Variants in CMTM4 observed in about 807,000 individuals in gnomAD.
CMTM4 encodes the protein CKLF-like MARVEL transmembrane domain-containing protein 4.
CMTM4 carries 8 observed loss-of-function variants against 19.0 expected under a neutral mutation model. The ratio of observed to expected loss-of-function variants is 0.42; its 90% CI spans 0.25 to 0.76. CMTM4 has a LOEUF of 0.76. CMTM4 is among the 30% of genes least tolerant of loss of function. CMTM4 has a pLI of 0.27. For synonymous variants in CMTM4, 106 were observed against 121.1 expected (o/e 0.88, Z 0.82); for missense variants, 228 against 290.2 (o/e 0.79, Z 1.56).
intron 1 of CMTM4, among the ~76,000 whole-genome samples, chr16:66,690,341 C>T (rs1050456610): frequency 2.6e-5 from 4 of 152,194 alleles, no homozygotes; most frequent in Non-Finnish European, 5.9e-5. Context: ...CCAGCTCTTA[C>T]GAATCAGGAA....
chr16:66,667,180 C>G (rs2016611281), intron 1 of CMTM4, among the ~76,000 whole-genome samples: 1 of 152,002 alleles, frequency 6.6e-6, no homozygotes, highest in Non-Finnish European at 1.5e-5. Flanking sequence ...CAAAAATTTG[C>G]TGGGTGTGGT....
downstream of CMTM4, chr16:66,612,674 G>A (rs780209474): frequency 1.2e-6 from 2 of 1,609,982 alleles, no homozygotes; most frequent in South Asian, 2.2e-5. This position sits in a 1 kb window ranked among gnomAD's most constrained non-coding sequence, Gnocchi z 6.0. Context: ...GAGCCACACA[G>A]GCCTCCACCC....
rs1045421357 is a variant in CMTM4, at chr16:66,615,792, G to A, written c.*6266C>T. The stretch of plus-strand genomic sequence containing the variant: ...CACCATTTTACACCCAAAGACAGGA[G>A]GTCAGGGCTCTGATGCTACTCTTCT... On this transcript the variant is annotated 3_prime_UTR_variant, in exon 4 of 4. Coordinates refer to ENST00000394106, the MANE Select transcript of CMTM4 (RefSeq NM_181521.3). The surrounding 1 kb of genome is among the most constrained non-coding windows in gnomAD (Gnocchi z 4.9). 3 of 152,232 alleles carry A rather than the reference G, an allele frequency of 2.0e-5. No individual in the cohort carries two copies. Among genetic ancestry groups the A allele is most frequent in the African/African-American group, 7.2e-5 (3 of 41,464 alleles). 9.4% of individuals were successfully genotyped at this position (152,232 alleles called of 1,614,324 possible).
chr16:66,678,570 C>T (rs1471833320), intron 1 of CMTM4, among the ~76,000 whole-genome samples: 1 of 152,168 alleles, frequency 6.6e-6, no homozygotes, highest in Admixed American at 6.5e-5. Context: ...TTAAACTGTA[C>T]ATAACTGACA....
At chr16:66,694,396 T>A (rs2017192620) in intron 1 of CMTM4, among the ~76,000 whole-genome samples, 1 of 152,200 alleles carries the variant, frequency 6.6e-6, no homozygotes, top group East Asian at 1.9e-4. Flanking sequence ...ACTCAAACAT[T>A]GGCTAGCTGC....
chr16:66,608,527 G>C, the CMTM4 span: 11 of 1,556,372 alleles, frequency 7.1e-6, no homozygotes, highest in Non-Finnish European at 9.7e-6. The surrounding 1 kb of genome is among the most constrained non-coding windows in gnomAD (Gnocchi z 5.1). Context: ...GAGGAGTCCA[G>C]AGTCGTGCAC....
intron 1 of CMTM4, among the ~76,000 whole-genome samples, chr16:66,655,518 C>CGTGTGT (rs72390418): frequency 7.4e-5 from 11 of 147,922 alleles, no homozygotes; most frequent in East Asian, 2.0e-4. Flanking sequence ...AGGACAGAAA[C>CGTGTGT]GTGTGTGTGT....
intron 1 of CMTM4, among the ~76,000 whole-genome samples, chr16:66,648,577 G>C (rs1246458592): frequency 2.6e-5 from 4 of 151,834 alleles, no homozygotes; most frequent in Non-Finnish European, 5.9e-5. Flanking sequence ...AGAATCGCTT[G>C]AACCCGGGAG....
At chr16:66,629,795 C>G (rs1259646941) in intron 2 of CMTM4, among the ~76,000 whole-genome samples, 1 of 152,142 alleles carries the variant, frequency 6.6e-6, no homozygotes, top group Non-Finnish European at 1.5e-5. Flanking sequence ...TCAGTCATGC[C>G]TACCTAGTGA....
chr16:66,631,094 C>A (rs1458508200), intron 2 of CMTM4, among the ~76,000 whole-genome samples: 1 of 151,802 alleles, frequency 6.6e-6, no homozygotes, highest in Non-Finnish European at 1.5e-5. Flanking sequence ...AGGAGCCCCT[C>A]CACCCAGCAG....
chr16:66,636,270 C>A, intron 2 of CMTM4, 135 bp downstream of exon 2: 1 of 635,956 alleles, frequency 1.6e-6, no homozygotes. Flanking sequence ...TTTAAAATTT[C>A]ACAGTTGAAT....
chr16:66,664,114 T>C (rs1201362424), intron 1 of CMTM4, among the ~76,000 whole-genome samples: 1 of 151,742 alleles, frequency 6.6e-6, no homozygotes, highest in African/African-American at 2.4e-5. Context: ...GCACCTGTAG[T>C]CCCAGCTACT....
At chr16:66,638,984 C>T (rs1476772591) in intron 1 of CMTM4, among the ~76,000 whole-genome samples, 1 of 150,642 alleles carries the variant, frequency 6.6e-6, no homozygotes, top group African/African-American at 2.4e-5. Flanking sequence ...TGAGCCATTC[C>T]ACATTGTATA....
At chr16:66,602,130 C>CT in the CMTM4 span, among the ~76,000 whole-genome samples, 1 of 152,222 alleles carries the variant, frequency 6.6e-6, no homozygotes, top group Non-Finnish European at 1.5e-5. Flanking sequence ...GGTGCGGTGG[C>CT]TCACGCCTGT....
At chr16:66,660,387 C>A (rs1320782185) in intron 1 of CMTM4, among the ~76,000 whole-genome samples, 265 of 84,402 alleles carry the variant, frequency 3.1e-3, no homozygotes, top group South Asian at 7.7e-3. Context: ...GATCCTGTCT[C>A]AAAAAAAAAA....
At chr16:66,627,875 C>G (rs1325248320) in intron 2 of CMTM4, among the ~76,000 whole-genome samples, 1 of 152,092 alleles carries the variant, frequency 6.6e-6, no homozygotes, top group Non-Finnish European at 1.5e-5. Context: ...AGGACCTGCC[C>G]CGGCACCGGT....
Position 66,615,518 on chromosome 16 carries a change from C to G in CMTM4, c.*6540G>C, listed in dbSNP as rs888379208. On this transcript the variant is annotated 3_prime_UTR_variant, in exon 4 of 4. Transcript: ENST00000394106. This position sits in a 1 kb window ranked among gnomAD's most constrained non-coding sequence, Gnocchi z 4.9. The stretch of plus-strand genomic sequence containing the variant: ...AGCAAACAGCCTGTTTTGTTCAGGC[C>G]TGAAGCCTGGAAAAGGCCGCCGAGC... 2.6e-5 allele frequency: 4 copies of G among 152,222 alleles called. No individual in the cohort carries two copies. Among genetic ancestry groups the G allele is most frequent in the African/African-American group, 9.6e-5 (4 of 41,462 alleles). The allele number at this position is 152,222 out of a possible 1,614,324, so 9.4% of individuals were successfully genotyped here.
At chr16:66,607,004 G>A in the CMTM4 span, among the ~76,000 whole-genome samples, 2 of 152,304 alleles carry the variant, frequency 1.3e-5, no homozygotes, top group African/African-American at 4.8e-5. Flanking sequence ...TGGGGCGGAG[G>A]TAAGATAACT....
chr16:66,632,980 G>A (rs1227123234), intron 2 of CMTM4, among the ~76,000 whole-genome samples: 1 of 151,492 alleles, frequency 6.6e-6, no homozygotes, highest in East Asian at 1.9e-4. Context: ...AGCTACTCGG[G>A]AGGCTGAGGC....
Sources: allele counts gnomAD v4.1 joint callset (sites outside exome capture counted in the v4.1 genomes callset), GRCh38; gene constraint gnomAD v4.1.1; non-coding constraint Gnocchi (gnomAD v3.1); transcripts MANE v1.5; gene names NCBI Gene and HGNC (gene_info 2026-07-23, HGNC 2026-07-21).